The following MTMR12 variants were observed in gnomAD, a reference collection of about 807,000 sequenced individuals.
MTMR12 encodes the protein myotubularin-related protein 12.
In MTMR12, 33 loss-of-function variants were observed where a neutral mutation model predicts 96.7. That is an observed-to-expected ratio of 0.34 (90% CI 0.26 to 0.46). MTMR12 has a LOEUF of 0.46. Ranked by LOEUF, MTMR12 falls within the 20% of genes least tolerant of loss-of-function variation. MTMR12 has a pLI of 1.00. For synonymous variants in MTMR12, 298 were observed against 327.2 expected (o/e 0.91, Z 0.96); for missense variants, 721 against 896.1 (o/e 0.80, Z 2.49).
In MTMR12 at chr5:32,230,246, G is replaced by C; in HGVS notation, c.1776C>G (p.Gly592=). Residue 592 remains glycine, a synonymous_variant, in exon 16 of 16, where the codon GGC becomes GGG. Coordinates refer to ENST00000382142, the MANE Select transcript of MTMR12 (RefSeq NM_001040446.3). Reference sequence around the variant, plus strand: ...AATTAATAAGTTTGCTAATTCTCTTGCCCAGAAGGTTTTTAATTAAATGAT... The same window carrying C: ...AATTAATAAGTTTGCTAATTCTCTTCCCCAGAAGGTTTTTAATTAAATGAT... ...ETDHLIKNLL[G]KRISKLINSS... 3.7e-6 allele frequency: 6 copies of C among 1,614,156 alleles called. No individual in the cohort carries two copies. The highest frequency in any genetic ancestry group is 5.1e-6 in the Non-Finnish European group (6 of 1,179,998).
At chr5:32,260,224 T>C (rs151186459) in intron 7 of MTMR12, among the ~76,000 whole-genome samples, 1 of 151,334 alleles carries the variant, frequency 6.6e-6, no homozygotes, top group East Asian at 2.0e-4. Flanking sequence ...TGAAGGGCCT[T>C]GAGAGTGCTT....
chr5:32,255,710 G>T lies in MTMR12; in HGVS notation c.772C>A (p.Gln258Lys). ...PLPEENVQRF[Q>K]GHGIPIWCWS... is the part of the protein sequence containing the mutation. ...GCACTTACTGGTATGCCATGACCCT[G>T]AAAGCGCTGCACATTCTCTTCAGGA... The change falls in exon 8 of 16, where the codon CAG (glutamine) becomes AAG (lysine). Residue 258 changes from glutamine (Q) to lysine (K), a missense_variant. Physicochemically the swap from Gln to Lys is moderately conservative, Grantham distance 53. Coordinates refer to ENST00000382142, the MANE Select transcript of MTMR12 (RefSeq NM_001040446.3). The T allele has an allele frequency of 1.2e-6, 2 of 1,612,156 alleles. No homozygotes were observed. The highest frequency in any genetic ancestry group is 1.7e-6 in the Non-Finnish European group (2 of 1,179,264).
intron 1 of MTMR12, among the ~76,000 whole-genome samples, chr5:32,288,958 G>A (rs1257951870): frequency 2.0e-5 from 3 of 152,308 alleles, no homozygotes; most frequent in South Asian, 4.1e-4. Context: ...TGTGAGGGCA[G>A]CATCTGCATC....
intron 1 of MTMR12, among the ~76,000 whole-genome samples, chr5:32,278,672 G>C (rs1015205719): frequency 1.3e-5 from 2 of 152,152 alleles, no homozygotes; most frequent in African/African-American, 2.4e-5. Context: ...AGGGATGCAG[G>C]CTGGCTCTCT....
chr5:32,307,719 C>T (rs1323442195), intron 1 of MTMR12, among the ~76,000 whole-genome samples: 2 of 152,108 alleles, frequency 1.3e-5, no homozygotes, highest in Non-Finnish European at 2.9e-5. Context: ...TTACGCTGTC[C>T]GATGCCAGTC....
chr5:32,312,892 C>T lies in MTMR12; in HGVS notation c.-54G>A. The T allele has an allele frequency of 3.4e-6, 5 of 1,469,010 alleles. No homozygotes were observed. Among genetic ancestry groups the T allele is most frequent in the Non-Finnish European group, 1.8e-6 (2 of 1,110,674 alleles). 91.0% of individuals were successfully genotyped at this position (1,469,010 alleles called of 1,614,324 possible). A position where few individuals can be genotyped will look rare whatever the true frequency, so the allele number is the denominator to read the frequency against. On this transcript the variant is annotated 5_prime_UTR_variant, in exon 1 of 16. Coordinates refer to ENST00000382142, the MANE Select transcript of MTMR12 (RefSeq NM_001040446.3). The surrounding 1 kb of genome is among the most constrained non-coding windows in gnomAD (Gnocchi z 5.0). ...GGACGCAGAGGCGGCGGCTCGGGCT[C>T]CAGCTGGGGCAGCAGCGGCGGCCAC...
At chr5:32,238,973 G>T in intron 13 of MTMR12, 28 bp downstream of exon 13, 1 of 1,540,672 alleles carries the variant, frequency 6.5e-7, no homozygotes. Context: ...TCCCTATGAC[G>T]GAAACAGTCT....
chr5:32,270,730 CA>C, intron 5 of MTMR12, 86 bp downstream of exon 5: 1 of 1,436,012 alleles, frequency 7.0e-7, no homozygotes, highest in Non-Finnish European at 9.4e-7. Flanking sequence ...AGCCTCCCCT[CA>C]ACCTTCATGC....
At chr5:32,269,861 A>G (rs1749765857) in intron 5 of MTMR12, among the ~76,000 whole-genome samples, 1 of 152,210 alleles carries the variant, frequency 6.6e-6, no homozygotes, top group Non-Finnish European at 1.5e-5. Flanking sequence ...GTTTCGTGTG[A>G]AACTAAAGTA....
intron 1 of MTMR12, among the ~76,000 whole-genome samples, chr5:32,278,550 G>A (rs1031949091): frequency 2.6e-5 from 4 of 152,130 alleles, no homozygotes; most frequent in African/African-American, 9.7e-5. Flanking sequence ...TAAATTGGAG[G>A]TGACTAAGAT....
chr5:32,301,693 C>A (rs1029266428), intron 1 of MTMR12, among the ~76,000 whole-genome samples: 5 of 152,074 alleles, frequency 3.3e-5, no homozygotes, highest in Non-Finnish European at 5.9e-5. Flanking sequence ...GAGTTTGAGA[C>A]CAGTCTGGCC....
At chr5:32,234,487 G>A (rs1389712304) in intron 14 of MTMR12, among the ~76,000 whole-genome samples, 1 of 152,224 alleles carries the variant, frequency 6.6e-6, no homozygotes, top group East Asian at 1.9e-4. Flanking sequence ...TCTCTTCACA[G>A]AGGAGTTCCA....
rs1030279105 is a variant in MTMR12, at chr5:32,228,161, A to G, written c.*1617T>C. 1.3e-5 allele frequency: 2 copies of G among 151,972 alleles called. No homozygotes were observed. The highest frequency in any genetic ancestry group is 4.8e-5 in the African/African-American group (2 of 41,354). The allele number at this position is 151,972 out of a possible 1,614,324, so 9.4% of individuals were successfully genotyped here. The stretch of plus-strand genomic sequence containing the variant: ...CAGGCATGCACCACCACACCCAGCT[A>G]ATTTTTGTATTTTTAGTAGAGACAG... On this transcript the variant is annotated 3_prime_UTR_variant, in exon 16 of 16. Transcript: ENST00000382142.
At chr5:32,294,113 C>A (rs765815132) in intron 1 of MTMR12, among the ~76,000 whole-genome samples, 1 of 152,132 alleles carries the variant, frequency 6.6e-6, no homozygotes, top group African/African-American at 2.4e-5. Flanking sequence ...CCTACTGCAT[C>A]CTCTGGGACC....
At chr5:32,288,258 T>G (rs574944305) in intron 1 of MTMR12, among the ~76,000 whole-genome samples, 1 of 152,124 alleles carries the variant, frequency 6.6e-6, no homozygotes, top group East Asian at 1.9e-4. Flanking sequence ...TGATGAACTT[T>G]TTTTGCCAGA....
chr5:32,288,204 T>C (rs1750615058), intron 1 of MTMR12, among the ~76,000 whole-genome samples: 1 of 152,198 alleles, frequency 6.6e-6, no homozygotes, highest in Non-Finnish European at 1.5e-5. Context: ...TGGGAACGTG[T>C]GGGAGGACCC....
rs35999870 is a variant in MTMR12 at position 32,279,076 on chromosome 5, CAAAAAAAAAAAAAAAAAAAAAAAAAAAA to C, written c.82-2362_82-2335del. The stretch of plus-strand genomic sequence containing the variant: ...GGGCAACAAGAGCGAAACTCTGTCT[CAAAAAAAAAAAAAAAAAAAAAAAAAAAA>C]AAAAAAAAAAAGTAAGTTATGGCTG... On this transcript the variant is annotated intron_variant, in intron 1 of 15. Transcript: ENST00000382142. 4.7e-3 allele frequency among the ~76,000 whole-genome samples: 239 copies of C among 50,532 alleles called. 2 individuals are homozygous for C. The highest frequency in any genetic ancestry group is 6.0e-3 in the Non-Finnish European group (160 of 26,476). 33.2% of individuals were successfully genotyped at this position (50,532 alleles called of 152,430 possible). A position where few individuals can be genotyped will look rare whatever the true frequency, so the allele number is the denominator to read the frequency against.
In MTMR12 at chr5:32,227,776, A is replaced by G. The variant is rs922863891; in HGVS notation, c.*2002T>C. 3 of 152,648 alleles carry G rather than the reference A, an allele frequency of 2.0e-5. No homozygotes were observed. The highest frequency in any genetic ancestry group is 7.2e-5 in the African/African-American group (3 of 41,450). The allele number at this position is 152,648 out of a possible 1,614,324, so 9.5% of individuals were successfully genotyped here. On this transcript the variant is annotated 3_prime_UTR_variant, in exon 16 of 16. Transcript: ENST00000382142. ...CTAGTTAGTGTATTTTAAAATCCCT[A>G]TTGCAAGCCTAACACTGACCTCGCT...
At chr5:32,253,298 G>A (rs940312772) in intron 8 of MTMR12, among the ~76,000 whole-genome samples, 1 of 152,142 alleles carries the variant, frequency 6.6e-6, no homozygotes, top group African/African-American at 2.4e-5. Context: ...AGGCTATAGT[G>A]GTACTGTGTA....
Sources: gnomAD v4.1 joint callset for allele counts (sites outside exome capture counted in the v4.1 genomes callset) on GRCh38, gnomAD v4.1.1 for gene constraint, Gnocchi (gnomAD v3.1) non-coding constraint, MANE v1.5 for transcripts, NCBI Gene and HGNC (gene_info 2026-07-23, HGNC 2026-07-21) for gene names.